Variants in SCFD1 observed in about 807,000 individuals in gnomAD.
SCFD1 encodes the protein sec1 family domain-containing protein 1.
Under a neutral mutation model 103.2 loss-of-function variants are expected in SCFD1, and 37 were observed. The ratio of observed to expected loss-of-function variants is 0.36; its 90% CI spans 0.28 to 0.47. The LOEUF (loss-of-function observed/expected upper bound fraction) is 0.47. Ranked by LOEUF, SCFD1 falls within the 20% of genes least tolerant of loss-of-function variation. The pLI, the probability that SCFD1 is intolerant of heterozygous loss-of-function variation, is 1.00. For synonymous variants in SCFD1, 264 were observed against 245.0 expected (o/e 1.08, Z -0.73); for missense variants, 639 against 761.2 (o/e 0.84, Z 1.89).
At chr14:30,671,054 C>T (rs1888492387) in intron 11 of SCFD1, among the ~76,000 whole-genome samples, 1 of 151,996 alleles carries the variant, frequency 6.6e-6, no homozygotes, top group Non-Finnish European at 1.5e-5. Flanking sequence ...TGTTCATCAA[C>T]AATTATGAAA....
chr14:30,695,741 A>G (rs758823036), intron 15 of SCFD1, among the ~76,000 whole-genome samples: 5 of 152,008 alleles, frequency 3.3e-5, no homozygotes, highest in African/African-American at 1.2e-4. Context: ...GCAGGGTGGC[A>G]TGCATCTGTA....
chr14:30,659,616 G>T (rs758015927), intron 10 of SCFD1, among the ~76,000 whole-genome samples: 3 of 152,130 alleles, frequency 2.0e-5, no homozygotes, highest in Non-Finnish European at 4.4e-5. Flanking sequence ...ATGAGTCCTA[G>T]GGTTGTAAAC....
chr14:30,674,635 C>T (rs572845620), intron 13 of SCFD1, among the ~76,000 whole-genome samples: 7 of 146,494 alleles, frequency 4.8e-5, no homozygotes, highest in African/African-American at 1.9e-4. Context: ...GCGACAGAGA[C>T]TCTGTCTCAA....
At chr14:30,697,068 G>C (rs1044705133) in intron 15 of SCFD1, among the ~76,000 whole-genome samples, 2 of 144,954 alleles carry the variant, frequency 1.4e-5, no homozygotes, top group African/African-American at 5.7e-5. Context: ...ATTGTATGTT[G>C]GGGGGGGCGG....
intron 4 of SCFD1, among the ~76,000 whole-genome samples, chr14:30,637,547 G>A (rs941148300): frequency 3.9e-5 from 6 of 152,060 alleles, no homozygotes; most frequent in African/African-American, 1.4e-4. Flanking sequence ...ATAAAATGAT[G>A]GTTCTTGTTA....
At chr14:30,703,030 G>A (rs964424990) in intron 17 of SCFD1, among the ~76,000 whole-genome samples, 47 of 151,060 alleles carry the variant, frequency 3.1e-4, no homozygotes, top group African/African-American at 1.1e-3. Flanking sequence ...TAATGACATT[G>A]AGAAATGCTC....
At chr14:30,723,577 G>A (rs1892805481) in intron 23 of SCFD1, among the ~76,000 whole-genome samples, 1 of 152,112 alleles carries the variant, frequency 6.6e-6, no homozygotes, top group African/African-American at 2.4e-5. Context: ...GCCCCAGTCT[G>A]TGTTGTTCCC....
chr14:30,636,092 G>T (rs1884694214), intron 4 of SCFD1, among the ~76,000 whole-genome samples: 2 of 151,770 alleles, frequency 1.3e-5, no homozygotes, highest in African/African-American at 2.4e-5. Flanking sequence ...TTTTTAATTG[G>T]GTTGTCTTTT....
chr14:30,707,875 T>G (rs769423484), intron 18 of SCFD1, 115 bp from the exon 19 acceptor site: 2 of 791,008 alleles, frequency 2.5e-6, no homozygotes, highest in Non-Finnish European at 4.6e-6. Context: ...AAAACAAAGG[T>G]GGTAGGTACA....
chr14:30,712,114 G>A (rs1025136052), intron 19 of SCFD1, among the ~76,000 whole-genome samples: 3 of 151,670 alleles, frequency 2.0e-5, no homozygotes, highest in Admixed American at 1.3e-4. Flanking sequence ...CCCTCTCCTC[G>A]TAGCTTCACT....
chr14:30,670,886 G>A (rs1888476018), intron 11 of SCFD1, among the ~76,000 whole-genome samples: 1 of 152,068 alleles, frequency 6.6e-6, no homozygotes, highest in Non-Finnish European at 1.5e-5. Context: ...GTGATTTACT[G>A]TGGGCAGATA....
intron 7 of SCFD1, among the ~76,000 whole-genome samples, chr14:30,645,670 T>C (rs1414518575): frequency 1.3e-5 from 2 of 152,206 alleles, no homozygotes. Flanking sequence ...TTTTGTACAT[T>C]GACTTTTGCA....
At chr14:30,654,687 AAAG>A (rs1566601009) in intron 10 of SCFD1, among the ~76,000 whole-genome samples, 1 of 152,118 alleles carries the variant, frequency 6.6e-6, no homozygotes, top group African/African-American at 2.4e-5. Context: ...AAAAAAAAAA[AAAG>A]GAAATGAAAG....
At chr14:30,635,494 G>T (rs1341391215) in intron 4 of SCFD1, among the ~76,000 whole-genome samples, 2 of 151,996 alleles carry the variant, frequency 1.3e-5, no homozygotes, top group Non-Finnish European at 2.9e-5. Flanking sequence ...CATTACATAT[G>T]AATGAAATCC....
chr14:30,714,590 GT>G (rs1892144811), intron 19 of SCFD1, among the ~76,000 whole-genome samples: 1 of 152,116 alleles, frequency 6.6e-6, no homozygotes, highest in Non-Finnish European at 1.5e-5. Context: ...CTTAGTGACA[GT>G]CCATTTTAAT....
intron 23 of SCFD1, among the ~76,000 whole-genome samples, chr14:30,727,319 A>G (rs745701042): frequency 7.9e-5 from 12 of 152,244 alleles, no homozygotes; most frequent in Admixed American, 2.0e-4. Flanking sequence ...TCGTTGTTCA[A>G]CAAAATCGTT....
At chr14:30,694,657 G>A (rs1303210283) in intron 14 of SCFD1, 116 bp from the exon 15 acceptor site, 1 of 1,357,328 alleles carries the variant, frequency 7.4e-7, no homozygotes, top group Non-Finnish European at 9.6e-7. Flanking sequence ...CTTTTGACCT[G>A]TCTGAAAGAA....
At chr14:30,663,411 A>C (rs1208591793) in intron 10 of SCFD1, among the ~76,000 whole-genome samples, 1 of 152,200 alleles carries the variant, frequency 6.6e-6, no homozygotes, top group Non-Finnish European at 1.5e-5. Context: ...TGTTTAAAAT[A>C]GTTTTCCACA....
chr14:30,733,345 G>A (rs140969133), intron 23 of SCFD1, among the ~76,000 whole-genome samples: 346 of 152,262 alleles, frequency 2.3e-3, no homozygotes, highest in Non-Finnish European at 3.7e-3. Context: ...GTAAGTAAAG[G>A]GGTCATCAAG....
Sources: gnomAD v4.1 joint callset for allele counts (sites outside exome capture counted in the v4.1 genomes callset) on GRCh38, gnomAD v4.1.1 for gene constraint, MANE v1.5 for transcripts, NCBI Gene and HGNC (gene_info 2026-07-23, HGNC 2026-07-21) for gene names.